The following PADI2 variants were observed in gnomAD, a reference collection of about 807,000 sequenced individuals.
PADI2 encodes peptidyl arginine deiminase 2.
A neutral mutation model predicts 81.1 loss-of-function variants in PADI2; 70 were observed. The ratio of observed to expected loss-of-function variants is 0.86; its 90% confidence interval spans 0.71 to 1.05. The LOEUF is 1.05. Among genes scored for constraint, PADI2 ranks in the 50% least tolerant of loss-of-function variants. The pLI is 0.00. For missense variants in PADI2, 853 were observed against 889.9 expected, an observed-to-expected ratio of 0.96 and a Z score of 0.53; for synonymous variants, 338 against 358.0, an observed-to-expected ratio of 0.94 and a Z score of 0.63.
In PADI2 at chr1:17,074,872, C is replaced by T. The variant is rs763443384; in HGVS notation, c.1533G>A (p.Glu511=). The change falls in exon 13 of 16, where the codon GAG becomes GAA. Residue 511 remains glutamate, a synonymous_variant. Coordinates refer to ENST00000375486, the MANE Select transcript of PADI2 (RefSeq NM_007365.3). ...GCCACTCACCTTTGAACATGATGGCCTCTCCATGGCCGTCCTTCTGCTTCT... is the reference window on the plus strand; with the variant it reads ...GCCACTCACCTTTGAACATGATGGCTTCTCCATGGCCGTCCTTCTGCTTCT... ...FREKQKDGHG[E]AIMFKGLGGM... The T allele has an allele frequency of 5.0e-6, 8 of 1,611,474 alleles. No individual in the cohort carries two copies. The South Asian group carries it at 7.7e-5, about 16-fold the overall frequency.
chr1:17,082,629 G>C lies in PADI2; in HGVS notation c.1074C>G (p.Ile358Met). Residue 358 changes from isoleucine to methionine, a missense_variant, in exon 10 of 16, where the codon ATC (isoleucine) becomes ATG (methionine). Physicochemically the swap from Ile to Met is conservative, Grantham distance 10 (BLOSUM62 1). Coordinates refer to ENST00000375486, the MANE Select transcript of PADI2 (RefSeq NM_007365.3). ...WIQDEIEFGY[I>M]EAPHKGFPVV... ...CGGGGAAGCCTTTATGGGGGGCCTC[G>C]ATGTAGCCAAACTCAATTTCATCCT... is the stretch of plus-strand genomic sequence containing the variant. The C allele has an allele frequency of 6.2e-7, 1 of 1,607,542 alleles. No individual in the cohort carries two copies. The highest frequency in any genetic ancestry group is 1.1e-5 in the South Asian group (1 of 90,554).
chr1:17,069,098 G>A lies in PADI2; in HGVS notation c.1944C>T (p.Gly648=), dbSNP rs746779002. 6.8e-6 allele frequency: 11 copies of A among 1,614,250 alleles called. No individual in the cohort carries two copies. The East Asian group carries it at 1.8e-4, about 26-fold the overall frequency. The change falls in exon 16 of 16, where the codon GGC becomes GGT. Residue 648 remains glycine, a synonymous_variant. Transcript: ENST00000375486. The part of the protein sequence containing the change: ...YHKFLGEVHC[G]TNVRRKPFTF... Reference sequence around the variant, plus strand: ...TGAAGGGCTTCCTGCGGACGTTGGTGCCACAGTGGACTTCCCCCAGAAATT... The same window carrying A: ...TGAAGGGCTTCCTGCGGACGTTGGTACCACAGTGGACTTCCCCCAGAAATT...
At chr1:17,099,625 A>G (rs1008872620) in intron 3 of PADI2, among the ~76,000 whole-genome samples, 2 of 152,170 alleles carry the variant, frequency 1.3e-5, no homozygotes, top group African/African-American at 4.8e-5. Flanking sequence ...AGGAATCATG[A>G]ATTTGCTCCC....
At position 17,103,071 on chromosome 1, in the gene PADI2, G is replaced by A. The variant is rs1931209515; in HGVS notation, c.277-12C>T. 6.2e-7 allele frequency: 1 copy of A among 1,603,888 alleles called. No individual in the cohort carries two copies. Among genetic ancestry groups the A allele is most frequent in the African/African-American group, 1.3e-5 (1 of 74,680 alleles). ...TAGTTGACGGTGACCTTGGTGGGGA[G>A]GGGGCACATTGGAGTAGAGAGAAAA... On this transcript the variant is annotated splice_polypyrimidine_tract_variant and intron_variant, in intron 2 of 15. Coordinates refer to ENST00000375486, the MANE Select transcript of PADI2 (RefSeq NM_007365.3).
At chr1:17,096,097 G>A (rs1930917056) in intron 3 of PADI2, 127 bp from the exon 4 acceptor site, 5 of 632,504 alleles carry the variant, frequency 7.9e-6, no homozygotes, top group Admixed American at 2.8e-5. Flanking sequence ...AGAGGACCTC[G>A]CTGAAGTCAT....
intron 13 of PADI2, among the ~76,000 whole-genome samples, chr1:17,074,599 G>A (rs2295053): frequency 0.6 from 91,281 of 151,926 alleles, 27,820 homozygotes; most frequent in Middle Eastern, 0.7. Context: ...ATACGCTAGG[G>A]CTTGAAGATG....
At position 17,068,989 on chromosome 1, in the gene PADI2, G is replaced by C; in HGVS notation, c.*55C>G. On this transcript the variant is annotated 3_prime_UTR_variant, in exon 16 of 16. Transcript: ENST00000375486. ...TGTCAGCAGAAGGCTCTGGGCGTGTGAGGGAGGGTCTGGAGAACTAAGCGA... is the reference window on the plus strand; with the variant it reads ...TGTCAGCAGAAGGCTCTGGGCGTGTCAGGGAGGGTCTGGAGAACTAAGCGA... 1 of 1,310,226 alleles carries C rather than the reference G, an allele frequency of 7.6e-7. No homozygotes were observed. Among genetic ancestry groups the C allele is most frequent in the Non-Finnish European group, 1.1e-6 (1 of 903,226 alleles). 81.2% of individuals were successfully genotyped at this position (1,310,226 alleles called of 1,614,324 possible).
chr1:17,111,783 A>T (rs982994497), intron 1 of PADI2, among the ~76,000 whole-genome samples: 2 of 152,136 alleles, frequency 1.3e-5, no homozygotes, highest in African/African-American at 4.8e-5. Flanking sequence ...CAGTTTGACA[A>T]CCACTGAGTT....
chr1:17,103,887 G>A (rs1267291851), intron 2 of PADI2, among the ~76,000 whole-genome samples: 1 of 152,010 alleles, frequency 6.6e-6, no homozygotes. Context: ...GGGAGGCTGG[G>A]GCAGGAGGAC....
intron 14 of PADI2, 63 bp from the exon 15 acceptor site, chr1:17,070,279 A>ACCCCATCC: frequency 6.3e-7 from 1 of 1,593,698 alleles, no homozygotes; most frequent in Non-Finnish European, 8.6e-7. Flanking sequence ...CACCTTGTCA[A>ACCCCATCC]CCCCATCCCT....
chr1:17,082,991 C>T (rs1570984405), intron 9 of PADI2: 2 of 201,182 alleles, frequency 9.9e-6, no homozygotes, highest in South Asian at 2.0e-4. Context: ...CTGCCTCAGC[C>T]TCTGAGTAGC....
intron 1 of PADI2, among the ~76,000 whole-genome samples, chr1:17,112,335 A>T (rs1252171540): frequency 6.6e-6 from 1 of 152,024 alleles, no homozygotes. Flanking sequence ...TTGGCCTTGC[A>T]GGGCTGGGGT....
chr1:17,071,050 C>T lies in PADI2; in HGVS notation c.1635+356G>A, dbSNP rs145554729. On this transcript the variant is annotated intron_variant, in intron 14 of 15. Coordinates refer to ENST00000375486, the MANE Select transcript of PADI2 (RefSeq NM_007365.3). ...AGCCCCTGGCCTGAAGCAATCCTCC[C>T]GCCTTGGCTTCCCAAAGTTCTGAGA... is the stretch of plus-strand genomic sequence containing the variant. Among the ~76,000 whole-genome samples, 789 of 152,272 alleles carry T rather than the reference C, an allele frequency of 5.2e-3. 7 individuals carry two copies. The highest frequency in any genetic ancestry group is 0.018 in the African/African-American group (743 of 41,544).
At position 17,115,182 on chromosome 1, in the gene PADI2, A is replaced by G. The variant is rs1931713181; in HGVS notation, c.92+4098T>C. On this transcript the variant is annotated intron_variant, in intron 1 of 15. Coordinates refer to ENST00000375486, the MANE Select transcript of PADI2 (RefSeq NM_007365.3). The surrounding 1 kb of genome is among the most constrained non-coding windows in gnomAD (Gnocchi z 4.1). Reference sequence around the variant, plus strand: ...TCTGCCAGCGAGTTATGGGCAAATTATTACTATTTACTTGATATTACTAGC... The same window carrying G: ...TCTGCCAGCGAGTTATGGGCAAATTGTTACTATTTACTTGATATTACTAGC... 2.0e-5 allele frequency among the ~76,000 whole-genome samples: 3 copies of G among 152,212 alleles called. No homozygotes were observed. Among genetic ancestry groups the G allele is most frequent in the African/African-American group, 4.8e-5 (2 of 41,452 alleles).
intron 1 of PADI2, among the ~76,000 whole-genome samples, chr1:17,118,012 A>G (rs1223563929): frequency 6.6e-6 from 1 of 152,168 alleles, no homozygotes; most frequent in Non-Finnish European, 1.5e-5. Context: ...CCAGGGACAG[A>G]GGCATGGAGT....
In PADI2 at chr1:17,119,174, G is replaced by C. The variant is rs968095366; in HGVS notation, c.92+106C>G. 2.6e-6 allele frequency: 2 copies of C among 760,234 alleles called. No homozygotes were observed. Among genetic ancestry groups the C allele is most frequent in the African/African-American group, 3.7e-5 (2 of 53,762 alleles). The allele number at this position is 760,234 out of a possible 1,614,324, so 47.1% of individuals were successfully genotyped here. A position where few individuals can be genotyped will look rare whatever the true frequency, so the allele number is the denominator to read the frequency against. ...TCTGGGCTCGGGGGCTCGGGATGAG[G>C]GACAACTCGGGCTGGACAAAGGCTG... On this transcript the variant is annotated intron_variant, in intron 1 of 15. Coordinates refer to ENST00000375486, the MANE Select transcript of PADI2 (RefSeq NM_007365.3). This position sits in a 1 kb window ranked among gnomAD's most constrained non-coding sequence, Gnocchi z 4.8.
chr1:17,081,984 A>T (rs1256226069), intron 10 of PADI2, among the ~76,000 whole-genome samples: 1 of 152,154 alleles, frequency 6.6e-6, no homozygotes, highest in Non-Finnish European at 1.5e-5. Context: ...ATGATGGTGC[A>T]TGCCTGTAAT....
chr1:17,105,483 C>T (rs1215708672), intron 1 of PADI2, among the ~76,000 whole-genome samples: 1 of 151,994 alleles, frequency 6.6e-6, no homozygotes, highest in East Asian at 2.0e-4. Flanking sequence ...GCAACCTCTG[C>T]CTCCCAGGTT....
At chr1:17,110,081 G>T (rs188784599) in intron 1 of PADI2, among the ~76,000 whole-genome samples, 1 of 152,266 alleles carries the variant, frequency 6.6e-6, no homozygotes. Context: ...AGTGGCCCTG[G>T]GCAAAGCAAT....
Sources: allele counts gnomAD v4.1 joint callset (sites outside exome capture counted in the v4.1 genomes callset), GRCh38; gene constraint gnomAD v4.1.1; non-coding constraint Gnocchi (gnomAD v3.1); transcripts MANE v1.5; gene names NCBI Gene and HGNC (gene_info 2026-07-23, HGNC 2026-07-21).